The following FAT2 variants were observed in gnomAD, a reference collection of about 807,000 sequenced individuals.
FAT2 encodes protocadherin Fat 2.
A neutral mutation model predicts 295.3 loss-of-function variants in FAT2; 150 were observed. The ratio of observed to expected loss-of-function variants is 0.51; its 90% CI spans 0.44 to 0.58. FAT2 has a LOEUF of 0.58. Among genes scored for constraint, FAT2 ranks in the 20% least tolerant of loss-of-function variants. FAT2 has a pLI of 0.00. For synonymous variants in FAT2, 2,026 were observed against 2,150.3 expected, an observed-to-expected ratio of 0.94 and a Z score of 1.60; for missense variants, 4,868 against 5,442.7, an observed-to-expected ratio of 0.89 and a Z score of 3.32.
chr5:151,584,431 A>G (rs1013897790), intron 1 of FAT2, among the ~76,000 whole-genome samples: 1 of 152,108 alleles, frequency 6.6e-6, no homozygotes, highest in Non-Finnish European at 1.5e-5. Context: ...AATTCCTTCA[A>G]AGACCCTATG....
rs2127626565 is a variant in FAT2 at position 151,553,158 on chromosome 5, G to A, written c.4156+19C>T. On this transcript the variant is annotated intron_variant, in intron 6 of 23. Coordinates refer to ENST00000261800, the MANE Select transcript of FAT2 (RefSeq NM_001447.3). ...GATGGGAGGGGTTGGCCCTTGTTGGGCCCTAGGCCTTGCCTCACCTGAGAT... is the reference window on the plus strand; with the variant it reads ...GATGGGAGGGGTTGGCCCTTGTTGGACCCTAGGCCTTGCCTCACCTGAGAT... 1.9e-6 allele frequency: 3 copies of A among 1,612,982 alleles called. No homozygotes were observed. The highest frequency in any genetic ancestry group is 2.5e-6 in the Non-Finnish European group (3 of 1,178,928).
rs1321879909 is a variant in FAT2 at position 151,549,306 on chromosome 5, G to A, written c.4778C>T (p.Ser1593Phe). The change falls in exon 9 of 24, where the codon TCC becomes TTC. Residue 1593 changes from serine to phenylalanine, a missense_variant. Ser to Phe is a radical substitution (Grantham distance 155, BLOSUM62 -2). Around this residue, in one of 5 missense-constraint regions of FAT2, gnomAD observed 3,297 missense variants for 3,669.4 expected, o/e 0.90. Transcript: ENST00000261800. ...GCCAGGCCTCTCACCTTTCAGGAGG[G>A]AGTAGTGGACCTCAGCATTGACTCC... The part of the protein sequence containing the change: ...DRGVNAEVHY[S>F]LLKGNSEGFF... The A allele has an allele frequency of 6.2e-7, 1 of 1,612,916 alleles. No homozygotes were observed. The highest frequency in any genetic ancestry group is 1.1e-5 in the South Asian group (1 of 90,990).
chr5:151,541,672 G>A (rs1347200735), intron 10 of FAT2, among the ~76,000 whole-genome samples: 3 of 152,232 alleles, frequency 2.0e-5, no homozygotes, highest in African/African-American at 7.2e-5. Context: ...GGGTAATTTA[G>A]TTTTACAGTA....
In FAT2 at chr5:151,550,867, T is replaced by C. The variant is rs1434300552; in HGVS notation, c.4301A>G (p.His1434Arg). Reference protein sequence around the residue: ...DGSRTIATQVHIFMIANINHH... With the variant: ...DGSRTIATQVRIFMIANINHH... The stretch of plus-strand genomic sequence containing the variant: ...GTTAATGTTGGCAATCATGAAGATG[T>C]GGACCTAGGGAGGGAGATGAGGGAG... Residue 1434 changes from histidine to arginine, a missense_variant, in exon 8 of 24, where the codon CAC (histidine) becomes CGC (arginine). Around this residue, in one of 5 missense-constraint regions of FAT2, gnomAD observed 3,297 missense variants for 3,669.4 expected, o/e 0.90. Coordinates refer to ENST00000261800, the MANE Select transcript of FAT2 (RefSeq NM_001447.3). 6.2e-7 allele frequency: 1 copy of C among 1,612,706 alleles called. No individual in the cohort carries two copies. Among genetic ancestry groups the C allele is most frequent in the South Asian group, 1.1e-5 (1 of 91,002 alleles).
In FAT2 at chr5:151,543,448, C is replaced by A. The variant is rs766573344; in HGVS notation, c.7679G>T (p.Arg2560Leu). The A allele has an allele frequency of 1.9e-6, 3 of 1,614,126 alleles. No homozygotes were observed. Among genetic ancestry groups the A allele is most frequent in the Non-Finnish European group, 1.7e-6 (2 of 1,180,028 alleles). ...ERVIAIKVMARDGGGRVAFCT... is the reference protein window; with the variant it reads ...ERVIAIKVMALDGGGRVAFCT... Reference sequence around the variant, plus strand: ...GAAGGCTACTCTTCCTCCTCCATCCCGAGCCATGACCTTAATAGCAATGAC... The same window carrying A: ...GAAGGCTACTCTTCCTCCTCCATCCAGAGCCATGACCTTAATAGCAATGAC... Residue 2560 changes from arginine (R) to leucine (L), a missense_variant, in exon 10 of 24, where the codon CGG becomes CTG. By Grantham distance (102) the Arg-to-Leu change is moderately radical (BLOSUM62 -2). This residue lies in a region of FAT2 where 3,297 missense variants were observed against 3,669.4 expected (regional missense o/e 0.90). Coordinates refer to ENST00000261800, the MANE Select transcript of FAT2 (RefSeq NM_001447.3).
intron 1 of FAT2, among the ~76,000 whole-genome samples, chr5:151,585,510 G>T (rs1342269644): frequency 4.6e-5 from 7 of 152,224 alleles, no homozygotes; most frequent in Admixed American, 4.6e-4. Context: ...TACTCTGGAG[G>T]CTGAGTCAGG....
intron 23 of FAT2, among the ~76,000 whole-genome samples, chr5:151,506,352 G>A (rs1038106484): frequency 6.6e-6 from 1 of 152,198 alleles, no homozygotes; most frequent in Admixed American, 6.5e-5. Flanking sequence ...AGTGAACAAG[G>A]GAAGGATTTG....
chr5:151,538,211 G>C (rs182878004), intron 11 of FAT2, among the ~76,000 whole-genome samples: 1 of 152,290 alleles, frequency 6.6e-6, no homozygotes, highest in East Asian at 1.9e-4. Context: ...AAGAGAACGA[G>C]TCAGAAAAGA....
intron 20 of FAT2, among the ~76,000 whole-genome samples, chr5:151,514,153 A>G (rs1256708381): frequency 6.6e-6 from 1 of 152,208 alleles, no homozygotes; most frequent in Admixed American, 6.5e-5. Flanking sequence ...AATACTACCT[A>G]TACCTTTATT....
At chr5:151,537,454 GGAGGGAAGGA>G (rs1277471706) in intron 12 of FAT2, among the ~76,000 whole-genome samples, 1 of 147,238 alleles carries the variant, frequency 6.8e-6, no homozygotes, top group African/African-American at 2.5e-5. Flanking sequence ...GGAGGGGAGG[GGAGGGAAGGA>G]AAGGAGAAAC....
chr5:151,587,266 C>CA (rs1430590753), intron 1 of FAT2, among the ~76,000 whole-genome samples: 1 of 151,616 alleles, frequency 6.6e-6, no homozygotes, highest in Non-Finnish European at 1.5e-5. Context: ...AATTTTCCTT[C>CA]AATAGTACAT....
At chr5:151,588,511 G>T (rs545354107) in intron 1 of FAT2, among the ~76,000 whole-genome samples, 2 of 152,298 alleles carry the variant, frequency 1.3e-5, no homozygotes, top group Non-Finnish European at 2.9e-5. Context: ...ATGGGTTGGG[G>T]CTAATACTTA....
chr5:151,543,182 G>T lies in FAT2; in HGVS notation c.7945C>A (p.Leu2649Met), dbSNP rs1056995591. 1.2e-6 allele frequency: 2 copies of T among 1,614,068 alleles called. No individual in the cohort carries two copies. Among genetic ancestry groups the T allele is most frequent in the Non-Finnish European group, 1.7e-6 (2 of 1,180,038 alleles). Reference protein sequence around the residue: ...VTGVVKVKDSLVGLENQTLDF... With the variant: ...VTGVVKVKDSMVGLENQTLDF... ...AGGGTCTGATTTTCCAATCCCACCA[G>T]GCTGTCTTTCACCTTGACCACACCA... The change falls in exon 10 of 24, where the codon CTG becomes ATG. Residue 2649 changes from leucine to methionine, a missense_variant. Coordinates refer to ENST00000261800, the MANE Select transcript of FAT2 (RefSeq NM_001447.3).
chr5:151,551,817 A>G (rs1757236800), intron 6 of FAT2, among the ~76,000 whole-genome samples: 1 of 152,242 alleles, frequency 6.6e-6, no homozygotes, highest in Admixed American at 6.5e-5. Flanking sequence ...TTTGAATTTT[A>G]TTAATAAATC....
Position 151,571,167 on chromosome 5 carries a change from A to G in FAT2, c.-20-2216T>C, listed in dbSNP as rs960284159. On this transcript the variant is annotated intron_variant, in intron 1 of 23. Transcript: ENST00000261800. ...CCCACTACTGTCCTTCCATGCTTAGAGCTGCAGCCCATAGTGGGGCCAGCC... is the reference window on the plus strand; with the variant it reads ...CCCACTACTGTCCTTCCATGCTTAGGGCTGCAGCCCATAGTGGGGCCAGCC... 8.7e-4 allele frequency among the ~76,000 whole-genome samples: 131 copies of G among 151,178 alleles called. 4 individuals are homozygous for G. Among genetic ancestry groups the G allele is most frequent in the Non-Finnish European group, 2.2e-4 (15 of 67,868 alleles).
At position 151,542,960 on chromosome 5, in the gene FAT2, T is replaced by C. The variant is rs954237759; in HGVS notation, c.8167A>G (p.Ile2723Val). 1 of 1,614,234 alleles carries C rather than the reference T, an allele frequency of 6.2e-7. No homozygotes were observed. Among genetic ancestry groups the C allele is most frequent in the Non-Finnish European group, 8.5e-7 (1 of 1,180,040 alleles). ...GTAGTGCCCCGCACTAGACTGTAGA[T>C]GACTGGATCTTGAGCTGCCACTGCT... is the stretch of plus-strand genomic sequence containing the variant. ...VKAVAAQDPV[I>V]YSLVRGTTPE... Residue 2723 changes from isoleucine to valine, a missense_variant, in exon 10 of 24, where the codon ATC (isoleucine) becomes GTC (valine). Ile to Val is a conservative substitution (Grantham distance 29, BLOSUM62 3). Around this residue, in one of 5 missense-constraint regions of FAT2, gnomAD observed 3,297 missense variants for 3,669.4 expected, o/e 0.90. Transcript: ENST00000261800.
chr5:151,587,712 C>A (rs1428156418), intron 1 of FAT2, among the ~76,000 whole-genome samples: 1 of 152,150 alleles, frequency 6.6e-6, no homozygotes, highest in Admixed American at 6.5e-5. Flanking sequence ...TCTTTGGGGG[C>A]CTGACACATT....
chr5:151,504,806 G>A lies in FAT2; in HGVS notation c.*759C>T, dbSNP rs1302448480. 6.5e-6 allele frequency: 1 copy of A among 152,696 alleles called. No homozygotes were observed. Among genetic ancestry groups the A allele is most frequent in the Non-Finnish European group, 1.5e-5 (1 of 68,090 alleles). The allele number at this position is 152,696 out of a possible 1,614,324, so 9.5% of individuals were successfully genotyped here. On this transcript the variant is annotated 3_prime_UTR_variant, in exon 24 of 24. Transcript: ENST00000261800. ...TCTTTAACAAAGAAGGTTCAGAGCT[G>A]TGTAGACTCCTGGCAGGCCCTGACT...
Position 151,550,798 on chromosome 5 carries a change from A to G in FAT2, c.4370T>C (p.Val1457Ala), listed in dbSNP as rs911130726. Residue 1457 changes from valine (V) to alanine (A), a missense_variant, in exon 8 of 24, where the codon GTT (valine) becomes GCT (alanine). This residue lies in a region of FAT2 where 3,297 missense variants were observed against 3,669.4 expected (regional missense o/e 0.90). Transcript: ENST00000261800. Reference protein sequence around the residue: ...QFLETRYEVRVPQDTVPGVEL... With the variant: ...QFLETRYEVRAPQDTVPGVEL... ...TACCCCTGGCACGGTGTCCTGGGGA[A>G]CTCTGACTTCATAACGAGTTTCCAG... is the stretch of plus-strand genomic sequence containing the variant. The G allele has an allele frequency of 1.4e-5, 23 of 1,613,872 alleles. No homozygotes were observed. The highest frequency in any genetic ancestry group is 1.9e-5 in the Non-Finnish European group (23 of 1,179,980).
Sources: allele counts gnomAD v4.1 joint callset (sites outside exome capture counted in the v4.1 genomes callset), GRCh38; gene constraint gnomAD v4.1.1; regional missense constraint gnomAD v4.1.1; transcripts MANE v1.5; gene names NCBI Gene and HGNC (gene_info 2026-07-23, HGNC 2026-07-21).